The following SVEP1 variants were observed in gnomAD, a reference collection of about 807,000 sequenced individuals.
SVEP1 encodes the protein sushi, von Willebrand factor type A, EGF and pentraxin domain-containing protein 1.
In SVEP1, 164 loss-of-function variants were observed where a neutral mutation model predicts 367.3. The observed-to-expected ratio is 0.45, with a 90% CI of 0.39 to 0.51. The LOEUF (loss-of-function observed/expected upper bound fraction) is 0.51. Ranked by LOEUF, SVEP1 falls within the 20% of genes least tolerant of loss-of-function variation. SVEP1 has a pLI of 0.00. For synonymous variants in SVEP1, 1,666 were observed against 1,611.6 expected, an observed-to-expected ratio of 1.03 and a Z score of -0.81; for missense variants, 4,117 against 4,425.3, an observed-to-expected ratio of 0.93 and a Z score of 1.98.
chr9:110,466,380 T>C (rs543556693), intron 17 of SVEP1, among the ~76,000 whole-genome samples: 2 of 152,268 alleles, frequency 1.3e-5, no homozygotes, highest in Admixed American at 6.5e-5. Context: ...AAGTTCTCAA[T>C]ACGTACACTG....
intron 12 of SVEP1, among the ~76,000 whole-genome samples, chr9:110,479,978 T>C (rs1480763607): frequency 2.0e-5 from 3 of 152,308 alleles, no homozygotes; most frequent in African/African-American, 7.2e-5. Context: ...AAGAGTTTGC[T>C]TTTGATATAT....
chr9:110,379,586 C>G, intron 43 of SVEP1, 69 bp from the exon 44 acceptor site: 1 of 1,506,442 alleles, frequency 6.6e-7, no homozygotes, highest in Admixed American at 2.0e-5. Flanking sequence ...TCTCATCTCT[C>G]AGAATGAATT....
At chr9:110,396,207 C>T (rs1827755916) in intron 40 of SVEP1, among the ~76,000 whole-genome samples, 2 of 151,788 alleles carry the variant, frequency 1.3e-5, no homozygotes, top group African/African-American at 2.4e-5. Context: ...CTCAAAACCG[C>T]TCAACTACAT....
chr9:110,411,496 C>T lies in SVEP1; in HGVS notation c.6215G>A (p.Gly2072Asp). The change falls in exon 37 of 48, where the codon GGT (glycine) becomes GAT (aspartate). Residue 2072 changes from glycine (G) to aspartate (D), a missense_variant. By Grantham distance (94) the Gly-to-Asp change is moderately conservative. Transcript: ENST00000374469. ...NAQGKWVPPE[G>D]QDMPRCIAHF... ...AGCTATACAACGGGGCATGTCTTGA[C>T]CTTCTGGGGGTACCCACTTGCCCTG... 1 of 1,613,978 alleles carries T rather than the reference C, an allele frequency of 6.2e-7. No homozygotes were observed. The highest frequency in any genetic ancestry group is 8.5e-7 in the Non-Finnish European group (1 of 1,179,900).
intron 5 of SVEP1, among the ~76,000 whole-genome samples, chr9:110,509,320 T>A (rs1018981636): frequency 1.3e-5 from 2 of 152,232 alleles, no homozygotes; most frequent in Admixed American, 1.3e-4. Context: ...GAACAATATC[T>A]GATGTAACTA....
chr9:110,465,011 G>C (rs779741920), intron 18 of SVEP1, among the ~76,000 whole-genome samples: 1 of 152,078 alleles, frequency 6.6e-6, no homozygotes, highest in Admixed American at 6.5e-5. Context: ...CAGTAGGGAT[G>C]TTAGTCAGAA....
At chr9:110,381,196 G>GT (rs1332188092) in intron 43 of SVEP1, among the ~76,000 whole-genome samples, 1 of 151,832 alleles carries the variant, frequency 6.6e-6, no homozygotes, top group African/African-American at 2.4e-5. Flanking sequence ...TTTTGTGTCT[G>GT]TATCTCCTTC....
intron 1 of SVEP1, among the ~76,000 whole-genome samples, chr9:110,555,492 T>C (rs1267668819): frequency 6.6e-6 from 1 of 152,072 alleles, no homozygotes; most frequent in East Asian, 1.9e-4. Context: ...CTGAAACAAA[T>C]GAATGCTATT....
At position 110,484,387 on chromosome 9, in the gene SVEP1, A is replaced by C. The variant is rs894329781; in HGVS notation, c.1931-694T>G. On this transcript the variant is annotated intron_variant, in intron 9 of 47. Coordinates refer to ENST00000374469, the MANE Select transcript of SVEP1 (RefSeq NM_153366.4). The stretch of plus-strand genomic sequence containing the variant: ...GGAGTCTGTGTTGCTGAGCACTGGA[A>C]TTCTGGCTGAAGGGTGGATGTGAGG... Among the ~76,000 whole-genome samples the C allele has an allele frequency of 2.0e-5, 3 of 152,176 alleles. No individual in the cohort carries two copies. In the South Asian group the frequency reaches 6.2e-4, roughly 31 times the overall value.
rs2274485 is a variant in SVEP1 at position 110,377,209 on chromosome 9, C to T, written c.10504+62G>A. The T allele has an allele frequency of 4.7e-6, 7 of 1,499,162 alleles. No homozygotes were observed. In the South Asian group the frequency reaches 6.9e-5, roughly 15 times the overall value. 92.9% of individuals were successfully genotyped at this position (1,499,162 alleles called of 1,614,324 possible). On this transcript the variant is annotated intron_variant, in intron 45 of 47. Transcript: ENST00000374469. The stretch of plus-strand genomic sequence containing the variant: ...GTACAACCATTTCCTGGTAACTCCC[C>T]TCAGGTGGGAGCATCCAGGCAATTT...
At chr9:110,413,762 G>C (rs1828079095) in intron 36 of SVEP1, among the ~76,000 whole-genome samples, 2 of 151,914 alleles carry the variant, frequency 1.3e-5, no homozygotes, top group Non-Finnish European at 2.9e-5. Context: ...AATTATATTT[G>C]AGTCATGCTT....
chr9:110,468,210 A>G (rs1251035106), intron 17 of SVEP1, among the ~76,000 whole-genome samples: 2 of 152,274 alleles, frequency 1.3e-5, no homozygotes, highest in Admixed American at 1.3e-4. Context: ...CAGCAATGGA[A>G]TATTTCCAAA....
intron 41 of SVEP1, among the ~76,000 whole-genome samples, chr9:110,388,704 C>T (rs1368741726): frequency 6.6e-6 from 1 of 152,156 alleles, no homozygotes; most frequent in Non-Finnish European, 1.5e-5. Context: ...CATGGTGGCT[C>T]ATGCCTATAA....
intron 1 of SVEP1, among the ~76,000 whole-genome samples, chr9:110,571,368 A>C (rs1830560435): frequency 6.6e-6 from 1 of 152,186 alleles, no homozygotes; most frequent in Admixed American, 6.5e-5. Context: ...TCTATGTGGA[A>C]GTACTGTGTG....
At chr9:110,452,841 G>T (rs370914165) in intron 22 of SVEP1, among the ~76,000 whole-genome samples, 145 of 121,596 alleles carry the variant, frequency 1.2e-3, no homozygotes, top group African/African-American at 4.1e-3. Context: ...TCTACTTGAT[G>T]GCTTATTTGA....
chr9:110,575,927 G>A (rs1210775096), intron 1 of SVEP1, among the ~76,000 whole-genome samples: 3 of 151,946 alleles, frequency 2.0e-5, no homozygotes, highest in African/African-American at 7.3e-5. Flanking sequence ...ATTTAAAATG[G>A]GACTCCATTT....
rs182632379 is a variant in SVEP1, at chr9:110,452,438, G to A, written c.3788-1036C>T. Among the ~76,000 whole-genome samples the A allele has an allele frequency of 3.4e-4, 52 of 152,304 alleles. 1 individual carries two copies. Among genetic ancestry groups the A allele is most frequent in the African/African-American group, 1.0e-3 (43 of 41,572 alleles). The stretch of plus-strand genomic sequence containing the variant: ...TGGAATTTTAAATAAAGAATTGTAG[G>A]ATACAGGTGCATAATTTTAATACTG... On this transcript the variant is annotated intron_variant, in intron 22 of 47. Coordinates refer to ENST00000374469, the MANE Select transcript of SVEP1 (RefSeq NM_153366.4).
intron 40 of SVEP1, among the ~76,000 whole-genome samples, chr9:110,398,022 C>CA (rs1338060149): frequency 2.1e-5 from 3 of 142,760 alleles, no homozygotes; most frequent in Non-Finnish European, 3.1e-5. Context: ...CAAAAAAGAG[C>CA]TGCGTCACCA....
intron 13 of SVEP1, among the ~76,000 whole-genome samples, chr9:110,476,736 A>C (rs1219189030): frequency 6.6e-6 from 1 of 151,922 alleles, no homozygotes; most frequent in East Asian, 1.9e-4. Context: ...TGTTCTCTTC[A>C]CCTTTGCCCT....
Sources: allele counts gnomAD v4.1 joint callset (sites outside exome capture counted in the v4.1 genomes callset), GRCh38; gene constraint gnomAD v4.1.1; transcripts MANE v1.5; gene names NCBI Gene and HGNC (gene_info 2026-07-23, HGNC 2026-07-21).